PCDHGA2: variants seen among roughly 807,000 people sequenced by gnomAD.
PCDHGA2 encodes the protein protocadherin gamma-A2.
A neutral mutation model predicts 59.2 loss-of-function variants in PCDHGA2; 40 were observed. The observed-to-expected ratio is 0.68, with a 90% CI of 0.52 to 0.88. The LOEUF (loss-of-function observed/expected upper bound fraction) is 0.88. Ranked by LOEUF, PCDHGA2 falls within the 40% of genes least tolerant of loss-of-function variation. The pLI, the probability that PCDHGA2 is intolerant of heterozygous loss-of-function variation, is 0.00. For synonymous variants in PCDHGA2, 560 were observed against 526.0 expected (o/e 1.06, Z -0.89); for missense variants, 1,226 against 1,204.0 (o/e 1.02, Z -0.27).
At chr5:141,375,305 G>A in intron 1 of PCDHGA2, 1 of 1,613,812 alleles carries the variant, frequency 6.2e-7, no homozygotes, top group African/African-American at 1.3e-5. Context: ...AGTGACAAAT[G>A]CAGCTCTAGA....
intron 1 of PCDHGA2, chr5:141,414,929 C>T (rs2095802879): frequency 6.2e-7 from 1 of 1,614,152 alleles, no homozygotes; most frequent in Non-Finnish European, 8.5e-7. Context: ...GCGCCCCGCT[C>T]CGCAGAGCCC....
chr5:141,375,639 C>T (rs1364618927), intron 1 of PCDHGA2: 2 of 1,614,126 alleles, frequency 1.2e-6, no homozygotes, highest in Non-Finnish European at 1.7e-6. Flanking sequence ...GCCCTGCGCT[C>T]CTTCGACTAT....
intron 1 of PCDHGA2, chr5:141,392,828 G>T: frequency 6.2e-7 from 1 of 1,604,008 alleles, no homozygotes; most frequent in Non-Finnish European, 8.5e-7. Context: ...CCGCTCCACA[G>T]AGTCGCCCCA....
At chr5:141,392,891 C>T in intron 1 of PCDHGA2, 1 of 1,613,594 alleles carries the variant, frequency 6.2e-7, no homozygotes. Flanking sequence ...TGTGGGAAAT[C>T]GGGAGGGGAC....
intron 1 of PCDHGA2, chr5:141,422,115 T>G: frequency 6.2e-7 from 1 of 1,605,004 alleles, no homozygotes; most frequent in Non-Finnish European, 8.5e-7. Context: ...TCCAATTGGA[T>G]TCACAAACTG....
intron 1 of PCDHGA2, chr5:141,355,572 CG>C: frequency 6.2e-7 from 1 of 1,613,892 alleles, no homozygotes; most frequent in South Asian, 1.1e-5. Flanking sequence ...TGGAAATAAT[CG>C]ATGTTAATGA....
chr5:141,494,607 C>T (rs2099755630), intron 1 of PCDHGA2, among the ~76,000 whole-genome samples, 200 bp from the exon 2 acceptor site: 2 of 152,092 alleles, frequency 1.3e-5, no homozygotes, highest in South Asian at 2.1e-4. Flanking sequence ...TGTGATTTAT[C>T]TCTTGGTTTC....
intron 1 of PCDHGA2, chr5:141,392,975 GGA>G: frequency 6.2e-7 from 1 of 1,613,862 alleles, no homozygotes; most frequent in Non-Finnish European, 8.5e-7. Context: ...ACCTGGGGCT[GGA>G]CCCCCGGAAG....
At chr5:141,374,511 T>A in intron 1 of PCDHGA2, 2 of 1,611,912 alleles carry the variant, frequency 1.2e-6, no homozygotes, top group Non-Finnish European at 8.5e-7. Flanking sequence ...GTGAAAATTC[T>A]CGAAAACGCA....
At chr5:141,459,287 G>A (rs1362981410) in intron 1 of PCDHGA2, among the ~76,000 whole-genome samples, 1 of 152,136 alleles carries the variant, frequency 6.6e-6, no homozygotes, top group African/African-American at 2.4e-5. Context: ...TCATCTAAAT[G>A]GAATCCTATA....
intron 1 of PCDHGA2, chr5:141,365,152 C>G: frequency 6.2e-7 from 1 of 1,613,880 alleles, no homozygotes. Context: ...AGGGAATAAA[C>G]GGGAAATTGA....
chr5:141,378,334 C>T (rs1228314593), intron 1 of PCDHGA2: 1 of 152,202 alleles, frequency 6.6e-6, no homozygotes, highest in East Asian at 1.9e-4. Flanking sequence ...ACCAGCCTGA[C>T]CAACATGGTG....
chr5:141,345,177 G>A lies in PCDHGA2; in HGVS notation c.2424+3782G>A, dbSNP rs1323366540. 3.7e-6 allele frequency: 6 copies of A among 1,613,886 alleles called. No homozygotes were observed. The Admixed American group carries it at 6.7e-5, about 18-fold the overall frequency. On this transcript the variant is annotated intron_variant, in intron 1 of 3. Transcript: ENST00000394576. ...CCGAGATTCTGGGCAGAATGGGCAG[G>A]TTGAAGTTTTTGTCCTGGGAAATCT...
chr5:141,459,795 C>T (rs1394778891), intron 1 of PCDHGA2, among the ~76,000 whole-genome samples: 1 of 152,190 alleles, frequency 6.6e-6, no homozygotes, highest in Non-Finnish European at 1.5e-5. Flanking sequence ...AACTGTTTTT[C>T]CCTGTTGACT....
rs2097370658 is a variant in PCDHGA2 at position 141,431,413 on chromosome 5, C to T, written c.2425-63394C>T. The T allele has an allele frequency of 1.2e-6, 2 of 1,613,564 alleles. No homozygotes were observed. Among genetic ancestry groups the T allele is most frequent in the African/African-American group, 2.7e-5 (2 of 74,952 alleles). ...TGGTCCTTACGGCCTCCGACGGGGG[C>T]GACCCGGTGCGCACAGGCACCGCGC... On this transcript the variant is annotated intron_variant, in intron 1 of 3. Transcript: ENST00000394576. This position sits in a 1 kb window ranked among gnomAD's most constrained non-coding sequence, Gnocchi z 4.8.
At chr5:141,417,994 G>T (rs369226139) in intron 1 of PCDHGA2, 231 of 1,613,766 alleles carry the variant, frequency 1.4e-4, no homozygotes, top group Non-Finnish European at 1.8e-4. Flanking sequence ...CCAAGGGCTC[G>T]GTGGTGGGGA....
chr5:141,362,545 A>G (rs1181876257), intron 1 of PCDHGA2: 1 of 1,613,638 alleles, frequency 6.2e-7, no homozygotes. Flanking sequence ...TGCCTCAGAT[A>G]CTATTTTGAA....
intron 1 of PCDHGA2, chr5:141,393,690 C>A (rs779487285): frequency 6.2e-7 from 1 of 1,613,752 alleles, no homozygotes; most frequent in African/African-American, 1.3e-5. Flanking sequence ...TCCGTTATTC[C>A]AGCTTAATGA....
At chr5:141,360,361 A>T in intron 1 of PCDHGA2, 1 of 1,613,910 alleles carries the variant, frequency 6.2e-7, no homozygotes, top group Non-Finnish European at 8.5e-7. Context: ...GGAATATTTC[A>T]CAGTAAACCC....
Sources: allele counts gnomAD v4.1 joint callset (sites outside exome capture counted in the v4.1 genomes callset), GRCh38; gene constraint gnomAD v4.1.1; non-coding constraint Gnocchi (gnomAD v3.1); transcripts MANE v1.5; gene names NCBI Gene and HGNC (gene_info 2026-07-23, HGNC 2026-07-21).